Variants in AFDN observed in about 807,000 individuals in gnomAD.
The protein encoded by AFDN is afadin, adherens junction formation factor, also known as afadin.
In AFDN, 68 loss-of-function variants were observed where a neutral mutation model predicts 216.6. That is an observed-to-expected ratio of 0.31 (90% CI 0.26 to 0.38). AFDN has a LOEUF of 0.38. Ranked by LOEUF, AFDN falls within the 10% of genes least tolerant of loss-of-function variation. AFDN has a pLI of 1.00. For synonymous variants in AFDN, 868 were observed against 853.7 expected, an observed-to-expected ratio of 1.02 and a Z score of -0.29; for missense variants, 2,136 against 2,342.0, an observed-to-expected ratio of 0.91 and a Z score of 1.82.
Position 167,917,115 on chromosome 6 carries a change from G to A in AFDN, c.2592G>A (p.Lys864=), listed in dbSNP as rs974464529. 8 of 1,613,158 alleles carry A rather than the reference G, an allele frequency of 5.0e-6. No individual in the cohort carries two copies. The highest frequency in any genetic ancestry group is 1.7e-5 in the Admixed American group (1 of 59,784). ...CAACGACTTTGCTTACCATGGATAAGTATGCACCTGATGACATTCCAAATA... is the reference window on the plus strand; with the variant it reads ...CAACGACTTTGCTTACCATGGATAAATATGCACCTGATGACATTCCAAATA... ...VQATTLLTMD[K]YAPDDIPNIN... is the part of the protein sequence containing the mutation. Residue 864 remains lysine (K), a synonymous_variant, in exon 20 of 34, where the codon AAG becomes AAA. Coordinates refer to ENST00000683244, the MANE Select transcript of AFDN (RefSeq NM_001386888.1).
chr6:167,952,116 G>A lies in AFDN; in HGVS notation c.4762G>A (p.Glu1588Lys), dbSNP rs776910572. The A allele has an allele frequency of 2.5e-6, 4 of 1,613,808 alleles. No homozygotes were observed. Among genetic ancestry groups the A allele is most frequent in the Non-Finnish European group, 2.5e-6 (3 of 1,179,812 alleles). ...GTCGAAGCAGAAGGACGAAGATGAC[G>A]AGGAGGAGGAGGACGATGATGTGGA... ...QESKQKDEDD[E>K]EEEDDDVDTM... The change falls in exon 30 of 34, where the codon GAG (glutamate) becomes AAG (lysine). Residue 1588 changes from glutamate (E) to lysine (K), a missense_variant. Coordinates refer to ENST00000683244, the MANE Select transcript of AFDN (RefSeq NM_001386888.1).
At chr6:167,953,580 C>A (rs1796218179) in intron 30 of AFDN, among the ~76,000 whole-genome samples, 1 of 152,132 alleles carries the variant, frequency 6.6e-6, no homozygotes, top group Admixed American at 6.5e-5. Context: ...TAGTAAACTT[C>A]CTGATGAGTA....
At chr6:167,920,244 AAGG>A (rs1280584610) in intron 21 of AFDN, among the ~76,000 whole-genome samples, 3 of 152,054 alleles carry the variant, frequency 2.0e-5, no homozygotes, top group Non-Finnish European at 2.9e-5. Flanking sequence ...GAGGTTGGGG[AAGG>A]AGGAGGGCTG....
At chr6:167,924,525 C>T (rs1481640860) in intron 22 of AFDN, among the ~76,000 whole-genome samples, 1 of 152,146 alleles carries the variant, frequency 6.6e-6, no homozygotes, top group Admixed American at 6.5e-5. Flanking sequence ...AAAATGACTG[C>T]TGGGTTTTCG....
intron 5 of AFDN, among the ~76,000 whole-genome samples, chr6:167,878,243 C>T (rs1005303441): frequency 6.6e-6 from 1 of 152,072 alleles, no homozygotes; most frequent in African/African-American, 2.4e-5. Context: ...AACCAAGAGC[C>T]ACAGTTTCTT....
intron 1 of AFDN, among the ~76,000 whole-genome samples, chr6:167,855,613 C>A (rs548815152): frequency 6.6e-6 from 1 of 152,020 alleles, no homozygotes; most frequent in Non-Finnish European, 1.5e-5. Context: ...ACTAGAACAG[C>A]CTGGTTTATT....
intron 23 of AFDN, among the ~76,000 whole-genome samples, chr6:167,937,384 G>A (rs1794141617): frequency 6.6e-6 from 1 of 152,080 alleles, no homozygotes; most frequent in East Asian, 1.9e-4. Context: ...TGGGTGTTTT[G>A]AATTGAGGTC....
chr6:167,922,016 CTG>C (rs1283183064), intron 21 of AFDN, among the ~76,000 whole-genome samples: 4 of 152,172 alleles, frequency 2.6e-5, no homozygotes, highest in African/African-American at 9.7e-5. Context: ...CCACTTGAGA[CTG>C]TGGTGAAAAG....
chr6:167,845,305 TATAA>T (rs1174567031), intron 1 of AFDN, among the ~76,000 whole-genome samples: 1 of 152,252 alleles, frequency 6.6e-6, no homozygotes. Context: ...TTACTGTGTT[TATAA>T]ATAGTTTTTC....
At chr6:167,907,780 ATT>A (rs530489494) in intron 13 of AFDN, among the ~76,000 whole-genome samples, 1 of 146,516 alleles carries the variant, frequency 6.8e-6, no homozygotes, top group Non-Finnish European at 1.5e-5. Flanking sequence ...TGGAGGATGA[ATT>A]TTTTTTTTTT....
At chr6:167,909,305 T>G (rs779217911) in intron 13 of AFDN, among the ~76,000 whole-genome samples, 5 of 152,054 alleles carry the variant, frequency 3.3e-5, no homozygotes, top group Non-Finnish European at 5.9e-5. Flanking sequence ...AGTAAAATAT[T>G]TGGTTATATT....
chr6:167,873,036 TTTAG>T (rs772963998), intron 4 of AFDN, among the ~76,000 whole-genome samples: 3 of 152,248 alleles, frequency 2.0e-5, no homozygotes, highest in Non-Finnish European at 4.4e-5. Context: ...TTTTTGGTTT[TTTAG>T]TTAGTGCATT....
chr6:167,929,614 T>G (rs1477933695), intron 23 of AFDN, among the ~76,000 whole-genome samples: 1 of 152,214 alleles, frequency 6.6e-6, no homozygotes, highest in Non-Finnish European at 1.5e-5. Flanking sequence ...TGAAGAGGTT[T>G]TGAGCACCCG....
rs771815003 is a variant in AFDN, at chr6:167,907,164, CATG to C, written c.1651-6_1651-4del. 8.2e-5 allele frequency: 132 copies of C among 1,610,220 alleles called. No homozygotes were observed. In the Admixed American group the frequency reaches 2.2e-3, roughly 27 times the overall value. On this transcript the variant is annotated splice_polypyrimidine_tract_variant and splice_region_variant and intron_variant, in intron 12 of 33. Transcript: ENST00000683244. ...TTCTAAACCCGTTGTGCTTTCTCTC[CATG>C]TAGAGCACCACTAGGCTGGACAGCG...
At chr6:167,941,852 AT>A (rs1315367904) in intron 23 of AFDN, among the ~76,000 whole-genome samples, 4 of 152,202 alleles carry the variant, frequency 2.6e-5, no homozygotes, top group African/African-American at 4.8e-5. Context: ...GAAAATTCAG[AT>A]CAAAAGCTGC....
intron 6 of AFDN, among the ~76,000 whole-genome samples, chr6:167,882,240 GA>G (rs1258798507): frequency 1.3e-5 from 2 of 152,078 alleles, no homozygotes; most frequent in African/African-American, 2.4e-5. Flanking sequence ...ATAAGCGATA[GA>G]GGGGGGAAAA....
chr6:167,889,033 T>C (rs1787230965), intron 6 of AFDN, among the ~76,000 whole-genome samples, 182 bp from the exon 7 acceptor site: 1 of 152,238 alleles, frequency 6.6e-6, no homozygotes, highest in Non-Finnish European at 1.5e-5. Context: ...CTTAGCTTTT[T>C]ATTATAGACT....
chr6:167,871,620 T>C (rs1231197150), intron 3 of AFDN, among the ~76,000 whole-genome samples: 1 of 152,196 alleles, frequency 6.6e-6, no homozygotes, highest in Admixed American at 6.5e-5. Flanking sequence ...TAGCAGGCCA[T>C]TGTTCGAGGT....
chr6:167,826,908 G>A (rs1779129662), upstream of AFDN: 1 of 145,118 alleles, frequency 6.9e-6, no homozygotes, highest in Non-Finnish European at 1.5e-5. Flanking sequence ...GCGGGCGCCG[G>A]GCGCACACCG....
Sources: allele counts gnomAD v4.1 joint callset (sites outside exome capture counted in the v4.1 genomes callset), GRCh38; gene constraint gnomAD v4.1.1; transcripts MANE v1.5; gene names NCBI Gene and HGNC (gene_info 2026-07-23, HGNC 2026-07-21).